Variants in TRERF1 observed in about 807,000 individuals in gnomAD.
TRERF1 encodes the protein transcriptional regulating factor 1, also known as transcriptional-regulating factor 1.
TRERF1 carries 27 observed loss-of-function variants against 122.9 expected under a neutral mutation model. That is an observed-to-expected ratio of 0.22 (90% CI 0.16 to 0.30). The LOEUF (loss-of-function observed/expected upper bound fraction) is 0.30, where lower values mean the gene tolerates loss of function less well. Ranked by LOEUF, TRERF1 falls within the 10% of genes least tolerant of loss-of-function variation. TRERF1 has a pLI of 1.00. For synonymous variants in TRERF1, 636 were observed against 641.7 expected, an observed-to-expected ratio of 0.99 and a Z score of 0.13; for missense variants, 1,248 against 1,560.3, an observed-to-expected ratio of 0.80 and a Z score of 3.37.
chr6:42,440,922 C>T (rs926494454), intron 2 of TRERF1, among the ~76,000 whole-genome samples: 1 of 152,050 alleles, frequency 6.6e-6, no homozygotes, highest in Admixed American at 6.6e-5. Context: ...GCCCTGCTGC[C>T]CCCTCCTCCA....
intron 3 of TRERF1, among the ~76,000 whole-genome samples, chr6:42,326,501 G>T (rs1583048827): frequency 6.6e-6 from 1 of 152,212 alleles, no homozygotes. Flanking sequence ...AGAAAGGTGG[G>T]TGGGGCCCAG....
intron 2 of TRERF1, among the ~76,000 whole-genome samples, chr6:42,379,539 A>G (rs72857663): frequency 2.0e-5 from 3 of 151,940 alleles, no homozygotes; most frequent in Admixed American, 1.3e-4. Context: ...TGTATTATTT[A>G]TTTATTTACT....
At chr6:42,405,251 A>G (rs1481486823) in intron 2 of TRERF1, among the ~76,000 whole-genome samples, 3 of 152,170 alleles carry the variant, frequency 2.0e-5, no homozygotes, top group South Asian at 2.1e-4. Context: ...CTTACAAGGA[A>G]GGGAGGGAAT....
chr6:42,434,565 T>C (rs1324950501), intron 2 of TRERF1, among the ~76,000 whole-genome samples: 1 of 145,374 alleles, frequency 6.9e-6, no homozygotes, highest in Non-Finnish European at 1.5e-5. Flanking sequence ...TGAATAAAGA[T>C]TTTTTTCCAG....
At chr6:42,311,279 T>G (rs1195524316) in intron 3 of TRERF1, among the ~76,000 whole-genome samples, 2 of 152,168 alleles carry the variant, frequency 1.3e-5, no homozygotes, top group Non-Finnish European at 2.9e-5. Flanking sequence ...TGGCGCCTAT[T>G]CATGGTCACC....
rs1307812123 is a variant in TRERF1, at chr6:42,420,291, C to T, written c.-454+30886G>A. ...CTTTGTAGCTAAAACAGAAAAGAGG[C>T]CCCCTAAACTATGGCCCCTGCCTCA... On this transcript the variant is annotated intron_variant, in intron 2 of 17. Coordinates refer to ENST00000372922, the Ensembl canonical transcript of TRERF1. 2.6e-5 allele frequency among the ~76,000 whole-genome samples: 4 copies of T among 152,154 alleles called. No homozygotes were observed. In the East Asian group the frequency reaches 7.7e-4, roughly 29 times the overall value.
chr6:42,416,519 T>C (rs987662138), intron 2 of TRERF1, among the ~76,000 whole-genome samples: 6 of 152,214 alleles, frequency 3.9e-5, no homozygotes, highest in Non-Finnish European at 8.8e-5. Context: ...AAAGTTAACC[T>C]ATCCTTACCT....
intron 3 of TRERF1, among the ~76,000 whole-genome samples, chr6:42,338,352 A>G (rs1340883700): frequency 6.6e-6 from 1 of 152,190 alleles, no homozygotes; most frequent in Non-Finnish European, 1.5e-5. Context: ...CAGAGAGAAG[A>G]AAAGGAGACC....
At chr6:42,366,809 C>A (rs1772823526) in intron 2 of TRERF1, among the ~76,000 whole-genome samples, 1 of 152,166 alleles carries the variant, frequency 6.6e-6, no homozygotes, top group Admixed American at 6.5e-5. Context: ...TTCCCAGAGC[C>A]ACAAGAGGGA....
intron 2 of TRERF1, among the ~76,000 whole-genome samples, chr6:42,367,182 A>G (rs1772899022): frequency 6.6e-6 from 1 of 152,166 alleles, no homozygotes; most frequent in Non-Finnish European, 1.5e-5. Flanking sequence ...CTGGCCTTAC[A>G]TAAGGGGCAC....
At chr6:42,270,947 T>G (rs886855405) in intron 4 of TRERF1, among the ~76,000 whole-genome samples, 35 of 151,884 alleles carry the variant, frequency 2.3e-4, no homozygotes, top group African/African-American at 8.4e-4. Flanking sequence ...TTTTGTATTT[T>G]TAGTAGAGAC....
intron 3 of TRERF1, among the ~76,000 whole-genome samples, chr6:42,323,496 C>T (rs1337542232): frequency 6.6e-6 from 1 of 152,028 alleles, no homozygotes; most frequent in Non-Finnish European, 1.5e-5. Context: ...CGCGCCTGGC[C>T]TCCCCCAGTT....
At chr6:42,371,969 G>GTGAC (rs1773852325) in intron 2 of TRERF1, among the ~76,000 whole-genome samples, 1 of 152,100 alleles carries the variant, frequency 6.6e-6, no homozygotes, top group African/African-American at 2.4e-5. Flanking sequence ...ATCACTTGAG[G>GTGAC]TCAGGAGTTC....
intron 2 of TRERF1, among the ~76,000 whole-genome samples, chr6:42,448,551 G>C (rs1176929556): frequency 6.6e-6 from 1 of 152,214 alleles, no homozygotes; most frequent in Admixed American, 6.5e-5. Context: ...GCTCACCCAA[G>C]TCCATGAAGC....
At chr6:42,331,507 T>C (rs924423596) in intron 3 of TRERF1, among the ~76,000 whole-genome samples, 2 of 152,164 alleles carry the variant, frequency 1.3e-5, no homozygotes, top group African/African-American at 4.8e-5. Flanking sequence ...GACTGGCAAC[T>C]AGGTCACCCC....
chr6:42,388,383 T>A (rs777589438), intron 2 of TRERF1, among the ~76,000 whole-genome samples: 1 of 151,914 alleles, frequency 6.6e-6, no homozygotes, highest in East Asian at 1.9e-4. Context: ...CTAGGAAAAA[T>A]ACGAGCTCAG....
intron 15 of TRERF1, among the ~76,000 whole-genome samples, chr6:42,238,857 AC>A (rs1284834659): frequency 3.3e-5 from 5 of 150,128 alleles, no homozygotes; most frequent in Non-Finnish European, 5.9e-5. Flanking sequence ...ACACACACAC[AC>A]ACACACACAC....
At chr6:42,292,938 A>G (rs2150162003) in intron 4 of TRERF1, among the ~76,000 whole-genome samples, 1 of 152,326 alleles carries the variant, frequency 6.6e-6, no homozygotes, top group Middle Eastern at 3.4e-3. Context: ...AATTCCAGAA[A>G]ATTGGTAGTA....
chr6:42,450,400 A>C (rs775458504), intron 2 of TRERF1, among the ~76,000 whole-genome samples: 7 of 152,240 alleles, frequency 4.6e-5, no homozygotes, highest in South Asian at 4.1e-4. Flanking sequence ...CGCACTCACA[A>C]GACAGCCCAG....
Sources: gnomAD v4.1 joint callset for allele counts (sites outside exome capture counted in the v4.1 genomes callset) on GRCh38, gnomAD v4.1.1 for gene constraint, MANE v1.5 for transcripts, NCBI Gene and HGNC (gene_info 2026-07-23, HGNC 2026-07-21) for gene names.